The following MPP7 variants were observed in gnomAD, a reference collection of about 807,000 sequenced individuals.
MPP7 encodes MAGUK p55 scaffold protein 7.
MPP7 carries 60 observed loss-of-function variants against 76.5 expected under a neutral mutation model. The observed-to-expected ratio is 0.78, with a 90% CI of 0.64 to 0.97. MPP7 has a LOEUF of 0.97. MPP7 is among the 50% of genes least tolerant of loss of function. The pLI, the probability that MPP7 is intolerant of heterozygous loss-of-function variation, is 0.00. For synonymous variants in MPP7, 237 were observed against 244.5 expected (o/e 0.97, Z 0.29); for missense variants, 641 against 694.0 (o/e 0.92, Z 0.86).
chr10:28,316,991 G>T lies in MPP7; in HGVS notation c.-132+12938C>A, dbSNP rs79742166. 8.3e-3 allele frequency among the ~76,000 whole-genome samples: 1,261 copies of T among 152,212 alleles called. 9 individuals are homozygous for T. Among genetic ancestry groups the T allele is most frequent in the Non-Finnish European group, 0.012 (792 of 68,016 alleles). ...GGGAGAATCCTGCTGCTGTACCCAC[G>T]CATGTATGTAAGTGATCATTTTCAT... On this transcript the variant is annotated intron_variant, in intron 2 of 11. Coordinates refer to the MPP7 transcript ENST00000441595.
chr10:28,068,968 T>C (rs1242745383), intron 13 of MPP7, among the ~76,000 whole-genome samples: 1 of 152,220 alleles, frequency 6.6e-6, no homozygotes, highest in Non-Finnish European at 1.5e-5. Context: ...TTAACCATTT[T>C]TGCCTTGGTT....
intron 1 of MPP7, among the ~76,000 whole-genome samples, chr10:28,279,600 G>A (rs1840606367): frequency 6.6e-6 from 1 of 151,828 alleles, no homozygotes; most frequent in Non-Finnish European, 1.5e-5. Context: ...AGCAACTCAG[G>A]AGGCCGAGGC....
At chr10:28,060,026 A>G (rs1851714326) in intron 13 of MPP7, among the ~76,000 whole-genome samples, 1 of 150,690 alleles carries the variant, frequency 6.6e-6, no homozygotes. Context: ...CAAGAGTGCT[A>G]TTTAAACTCC....
intron 11 of MPP7, among the ~76,000 whole-genome samples, chr10:28,116,317 C>A (rs753672526): frequency 6.6e-6 from 1 of 152,048 alleles, no homozygotes; most frequent in Non-Finnish European, 1.5e-5. Flanking sequence ...GTACATGCAA[C>A]CAAACTATAA....
chr10:28,201,659 G>A (rs1837775056), intron 3 of MPP7, among the ~76,000 whole-genome samples: 1 of 152,096 alleles, frequency 6.6e-6, no homozygotes, highest in Non-Finnish European at 1.5e-5. Flanking sequence ...TTCGGCTTCA[G>A]TGTATTTATA....
intron 3 of MPP7, among the ~76,000 whole-genome samples, chr10:28,162,012 A>G (rs1483769991): frequency 6.6e-6 from 1 of 152,202 alleles, no homozygotes; most frequent in Non-Finnish European, 1.5e-5. Flanking sequence ...TCAGAAAGCA[A>G]TTGAATTCAA....
At chr10:28,072,510 G>A (rs1852286166) in intron 12 of MPP7, among the ~76,000 whole-genome samples, 1 of 152,174 alleles carries the variant, frequency 6.6e-6, no homozygotes, top group South Asian at 2.1e-4. Context: ...CCCTAACAAT[G>A]TCCATAATGC....
chr10:28,114,679 C>G (rs566591816), intron 11 of MPP7, among the ~76,000 whole-genome samples: 14 of 152,156 alleles, frequency 9.2e-5, no homozygotes, highest in Non-Finnish European at 1.8e-4. Flanking sequence ...TTCCCCACCC[C>G]CTACCGCAAT....
At chr10:28,318,183 C>T (rs767848466) in intron 2 of MPP7, among the ~76,000 whole-genome samples, 10 of 152,144 alleles carry the variant, frequency 6.6e-5, no homozygotes, top group Non-Finnish European at 1.5e-4. Context: ...TAAAGAATCC[C>T]ACTCTTGGAC....
At chr10:28,194,821 A>C (rs1376286841) in intron 3 of MPP7, among the ~76,000 whole-genome samples, 1 of 152,232 alleles carries the variant, frequency 6.6e-6, no homozygotes, top group African/African-American at 2.4e-5. Flanking sequence ...AAAACCTGGA[A>C]GTATACAACA....
At chr10:28,200,235 A>T (rs1341718755) in intron 3 of MPP7, among the ~76,000 whole-genome samples, 1 of 152,194 alleles carries the variant, frequency 6.6e-6, no homozygotes, top group East Asian at 1.9e-4. Flanking sequence ...GAAAACGAAT[A>T]GAATGGGTCA....
At chr10:28,225,584 G>A (rs1838661413) in intron 2 of MPP7, among the ~76,000 whole-genome samples, 1 of 152,182 alleles carries the variant, frequency 6.6e-6, no homozygotes, top group Non-Finnish European at 1.5e-5. Flanking sequence ...TTAGTCATTA[G>A]GGAAATGCAA....
rs867253816 is a variant in MPP7 at position 28,051,840 on chromosome 10, C to T, written c.*2225G>A. 4.0e-5 allele frequency: 6 copies of T among 151,588 alleles called. No individual in the cohort carries two copies. Among genetic ancestry groups the T allele is most frequent in the Middle Eastern group, 6.8e-3 (2 of 292 alleles). The allele number at this position is 151,588 out of a possible 1,614,324, so 9.4% of individuals were successfully genotyped here. ...GCCAAGGCAGGAGGATTGCTTGAGC[C>T]CAGGAGTTCAAGACCAGCCTGAGCA... On this transcript the variant is annotated 3_prime_UTR_variant, in exon 17 of 17. Coordinates refer to ENST00000683449, the MANE Select transcript of MPP7 (RefSeq NM_001318170.2).
chr10:28,179,723 T>C (rs1836998958), intron 3 of MPP7, among the ~76,000 whole-genome samples: 1 of 152,166 alleles, frequency 6.6e-6, no homozygotes, highest in South Asian at 2.1e-4. Flanking sequence ...TATTAAAAAG[T>C]GGCTTGAAAC....
At chr10:28,232,358 A>AACACACACACAC (rs3064135) in intron 2 of MPP7, among the ~76,000 whole-genome samples, 2,177 of 147,400 alleles carry the variant, frequency 0.015, 71 homozygotes, top group African/African-American at 0.05. Flanking sequence ...TGTCTCTTAA[A>AACACACACACAC]ACACACACAC....
At chr10:28,307,128 T>C (rs956739397), upstream of MPP7, among the ~76,000 whole-genome samples, 2 of 152,206 alleles carry the variant, frequency 1.3e-5, no homozygotes, top group African/African-American at 4.8e-5. Context: ...ACGCATTCAT[T>C]GCACCCCTGA....
chr10:28,135,375 A>G (rs1357815893), intron 5 of MPP7, among the ~76,000 whole-genome samples: 1 of 152,214 alleles, frequency 6.6e-6, no homozygotes, highest in East Asian at 1.9e-4. Flanking sequence ...AAAGAATTAG[A>G]GCAGTGGCTC....
At chr10:28,109,072 G>A (rs1390323384) in intron 11 of MPP7, among the ~76,000 whole-genome samples, 2 of 152,174 alleles carry the variant, frequency 1.3e-5, no homozygotes, top group African/African-American at 4.8e-5. Context: ...CAGATCACTT[G>A]AGGTCAAGAG....
At chr10:28,228,968 G>C (rs891978439) in intron 2 of MPP7, among the ~76,000 whole-genome samples, 2 of 152,046 alleles carry the variant, frequency 1.3e-5, no homozygotes, top group Non-Finnish European at 1.5e-5. Flanking sequence ...TATATAAGAG[G>C]GTTAAGAAAG....
Sources: allele counts gnomAD v4.1 joint callset (sites outside exome capture counted in the v4.1 genomes callset), GRCh38; gene constraint gnomAD v4.1.1; transcripts MANE v1.5; gene names NCBI Gene and HGNC (gene_info 2026-07-23, HGNC 2026-07-21).